CFTR: variants seen among roughly 807,000 people sequenced by gnomAD.
CFTR encodes the protein CF transmembrane conductance regulator, also known as cystic fibrosis transmembrane conductance regulator.
CFTR carries 181 observed loss-of-function variants against 171.6 expected under a neutral mutation model. The observed-to-expected ratio is 1.05, with a 90% CI of 0.93 to 1.19. The LOEUF is 1.19. Among genes scored for constraint, CFTR ranks in the 50% most tolerant of loss-of-function variants. The pLI, the probability that CFTR is intolerant of heterozygous loss-of-function variation, is 0.00. For synonymous variants in CFTR, 583 were observed against 608.0 expected, an observed-to-expected ratio of 0.96 and a Z score of 0.60; for missense variants, 1,968 against 1,734.7, an observed-to-expected ratio of 1.13 and a Z score of -2.39.
chr7:117,522,671 C>T (rs1168005906), intron 3 of CFTR, among the ~76,000 whole-genome samples: 1 of 152,102 alleles, frequency 6.6e-6, no homozygotes, highest in Non-Finnish European at 1.5e-5. Context: ...CAAATCAGGA[C>T]GCTTCTTGTG....
intron 14 of CFTR, among the ~76,000 whole-genome samples, 199 bp from the exon 15 acceptor site, chr7:117,594,731 T>A (rs1231248524): frequency 6.6e-6 from 1 of 152,226 alleles, no homozygotes; most frequent in Non-Finnish European, 1.5e-5. Context: ...TCATTTTTAA[T>A]AAAGCTGTGT....
chr7:117,534,177 A>G (rs1457513444), intron 4 of CFTR, 99 bp from the exon 5 acceptor site: 4 of 668,424 alleles, frequency 6.0e-6, no homozygotes, highest in Non-Finnish European at 1.1e-5. Context: ...TTACTTAATA[A>G]TGAATGCATA....
chr7:117,547,170 G>A (rs1799160404), intron 9 of CFTR, among the ~76,000 whole-genome samples: 1 of 152,122 alleles, frequency 6.6e-6, no homozygotes, highest in African/African-American at 2.4e-5. Flanking sequence ...ACTAAAAGCA[G>A]TAGTTTTCAA....
At chr7:117,517,499 C>T (rs35197837) in intron 3 of CFTR, among the ~76,000 whole-genome samples, 2,255 of 152,064 alleles carry the variant, frequency 0.015, 57 homozygotes, top group African/African-American at 0.051. Flanking sequence ...CTATTGTGAA[C>T]GCTGCAGCAA....
intron 22 of CFTR, among the ~76,000 whole-genome samples, chr7:117,631,083 C>T (rs1428649163): frequency 6.6e-6 from 1 of 152,022 alleles, no homozygotes. Context: ...AGTGATCCTC[C>T]CACCTCATCC....
At chr7:117,603,236 GAA>G (rs1792251940) in intron 16 of CFTR, among the ~76,000 whole-genome samples, 1 of 152,124 alleles carries the variant, frequency 6.6e-6, no homozygotes, top group Non-Finnish European at 1.5e-5. Context: ...AGTTTCTAAA[GAA>G]TATAGTTCTG....
rs570593473 is a variant in CFTR, at chr7:117,508,953, A to G, written c.165-81A>G. The G allele has an allele frequency of 8.6e-5, 78 of 902,506 alleles. No individual in the cohort carries two copies. In the African/African-American group the frequency reaches 1.1e-3, roughly 12 times the overall value. 55.9% of individuals were successfully genotyped at this position (902,506 alleles called of 1,614,324 possible). A position where few individuals can be genotyped will look rare whatever the true frequency, so the allele number is the denominator to read the frequency against. On this transcript the variant is annotated intron_variant, in intron 2 of 26. Transcript: ENST00000003084. ...AATCTCCTTGGATATACTTGTGTGA[A>G]TCAAACTATGTTAAGGGAAATAGGA...
chr7:117,504,861 GA>G (rs1269880970), intron 2 of CFTR, among the ~76,000 whole-genome samples: 1 of 151,274 alleles, frequency 6.6e-6, no homozygotes, highest in African/African-American at 2.4e-5. Flanking sequence ...CCTAAGAAAT[GA>G]TTTTTTTTCC....
chr7:117,576,282 T>C (rs924168167), intron 11 of CFTR, among the ~76,000 whole-genome samples: 7 of 152,160 alleles, frequency 4.6e-5, no homozygotes, highest in Non-Finnish European at 7.3e-5. Flanking sequence ...ATAGAAAATA[T>C]TTAGAAAAGC....
At chr7:117,531,636 G>A (rs965971155) in intron 4 of CFTR, among the ~76,000 whole-genome samples, 1 of 152,044 alleles carries the variant, frequency 6.6e-6, no homozygotes, top group Admixed American at 6.6e-5. Context: ...GGAACAGCAC[G>A]TGCATTGAAC....
intron 2 of CFTR, among the ~76,000 whole-genome samples, chr7:117,504,618 G>A (rs1211363634): frequency 6.6e-6 from 1 of 151,966 alleles, no homozygotes; most frequent in Non-Finnish European, 1.5e-5. Flanking sequence ...GCTGGGAATG[G>A]TAGTGCATGC....
At chr7:117,608,651 A>G (rs1222790367) in intron 18 of CFTR, among the ~76,000 whole-genome samples, 1 of 152,226 alleles carries the variant, frequency 6.6e-6, no homozygotes, top group Non-Finnish European at 1.5e-5. Context: ...ATCCAAATAC[A>G]GTACAAATTT....
At chr7:117,608,582 T>C (rs572468839) in intron 18 of CFTR, among the ~76,000 whole-genome samples, 25 of 152,330 alleles carry the variant, frequency 1.6e-4, no homozygotes, top group African/African-American at 5.8e-4. Context: ...GTCTTTTATA[T>C]TAATTTACCC....
intron 11 of CFTR, among the ~76,000 whole-genome samples, chr7:117,568,960 T>C (rs1056874845): frequency 6.6e-6 from 1 of 152,224 alleles, no homozygotes; most frequent in South Asian, 2.1e-4. Flanking sequence ...AGTAGTACTA[T>C]CTGCCGAGGC....
chr7:117,530,881 G>A lies in CFTR; in HGVS notation c.274-18G>A. The A allele has an allele frequency of 6.6e-7, 1 of 1,515,816 alleles. No homozygotes were observed. Among genetic ancestry groups the A allele is most frequent in the Non-Finnish European group, 9.2e-7 (1 of 1,092,282 alleles). The allele number at this position is 1,515,816 out of a possible 1,614,324, so 93.9% of individuals were successfully genotyped here. On this transcript the variant is annotated intron_variant, in intron 3 of 26. Transcript: ENST00000003084. Reference sequence around the variant, plus strand: ...GAAATAAATGAAATTTAATTTCTCTGTTTTTCCCCTTTTGTAGGAAGTCAC... The same window carrying A: ...GAAATAAATGAAATTTAATTTCTCTATTTTTCCCCTTTTGTAGGAAGTCAC...
At chr7:117,572,992 T>A (rs1032573236) in intron 11 of CFTR, among the ~76,000 whole-genome samples, 1 of 152,066 alleles carries the variant, frequency 6.6e-6, no homozygotes, top group Non-Finnish European at 1.5e-5. Flanking sequence ...ACTCAGTAAA[T>A]ATTGCAAAAT....
chr7:117,642,623 G>A (rs372985710), intron 23 of CFTR, 30 bp downstream of exon 23: 1 of 1,609,644 alleles, frequency 6.2e-7, no homozygotes, highest in South Asian at 1.1e-5. Flanking sequence ...CAGAAAAAAG[G>A]CAACTAAATT....
intron 23 of CFTR, among the ~76,000 whole-genome samples, chr7:117,645,376 T>G (rs2116177286): frequency 6.6e-6 from 1 of 152,272 alleles, no homozygotes; most frequent in East Asian, 1.9e-4. Context: ...AGTTCAAAAT[T>G]ACACTCATTG....
At chr7:117,522,177 T>G (rs924933196) in intron 3 of CFTR, among the ~76,000 whole-genome samples, 2 of 152,344 alleles carry the variant, frequency 1.3e-5, no homozygotes, top group African/African-American at 4.8e-5. Flanking sequence ...TCTTCTGAAC[T>G]CATACTGTTC....
Sources: gnomAD v4.1 joint callset for allele counts (sites outside exome capture counted in the v4.1 genomes callset) on GRCh38, gnomAD v4.1.1 for gene constraint, MANE v1.5 for transcripts, NCBI Gene and HGNC (gene_info 2026-07-23, HGNC 2026-07-21) for gene names.